Variants in DSCAML1 observed in about 807,000 individuals in gnomAD.
The protein encoded by DSCAML1 is cell adhesion molecule DSCAML1.
A neutral mutation model predicts 200.5 loss-of-function variants in DSCAML1; 38 were observed. The observed-to-expected ratio is 0.19, with a 90% CI of 0.15 to 0.25. The LOEUF is 0.25. Ranked by LOEUF, DSCAML1 falls within the 10% of genes least tolerant of loss-of-function variation. The probability of loss-of-function intolerance (pLI) is 1.00; values close to 1 mark genes in which losing one functional copy is unlikely to be tolerated. For synonymous variants in DSCAML1, 1,215 were observed against 1,165.0 expected, an observed-to-expected ratio of 1.04 and a Z score of -0.87; for missense variants, 2,223 against 2,858.8, an observed-to-expected ratio of 0.78 and a Z score of 5.07.
At chr11:117,432,268 A>T in intron 30 of DSCAML1, 84 bp downstream of exon 30, 11 of 1,327,518 alleles carry the variant, frequency 8.3e-6, no homozygotes, top group Non-Finnish European at 1.1e-5. Flanking sequence ...TCCTCCCTTT[A>T]AAAAAAAACA....
At chr11:117,650,063 T>C (rs2052598225) in intron 3 of DSCAML1, among the ~76,000 whole-genome samples, 1 of 152,212 alleles carries the variant, frequency 6.6e-6, no homozygotes, top group Non-Finnish European at 1.5e-5. Flanking sequence ...CAGTTTCCTC[T>C]TTTTAGGAAC....
At chr11:117,481,565 CA>C (rs1194165513) in intron 12 of DSCAML1, among the ~76,000 whole-genome samples, 1 of 45,752 alleles carries the variant, frequency 2.2e-5, no homozygotes, top group Non-Finnish European at 4.1e-5. Context: ...GAGGGGGTCC[CA>C]GGGGAGTAGG....
intron 4 of DSCAML1, among the ~76,000 whole-genome samples, chr11:117,528,727 T>A (rs1444543914): frequency 6.6e-6 from 1 of 152,204 alleles, no homozygotes; most frequent in Non-Finnish European, 1.5e-5. Context: ...TCCTCCTTTA[T>A]AACTGCAGGT....
chr11:117,774,735 T>G (rs1381202710), intron 3 of DSCAML1, among the ~76,000 whole-genome samples: 1 of 152,164 alleles, frequency 6.6e-6, no homozygotes, highest in African/African-American at 2.4e-5. Flanking sequence ...ATTTATACGG[T>G]GGGTGAGGCA....
chr11:117,772,305 T>A (rs1311737925), intron 3 of DSCAML1, among the ~76,000 whole-genome samples: 1 of 152,176 alleles, frequency 6.6e-6, no homozygotes, highest in Non-Finnish European at 1.5e-5. Context: ...CACTGCCTGA[T>A]AGGAATCCTT....
intron 3 of DSCAML1, among the ~76,000 whole-genome samples, chr11:117,760,756 C>A (rs2054785040): frequency 6.6e-6 from 1 of 152,194 alleles, no homozygotes; most frequent in African/African-American, 2.4e-5. Context: ...AGGGCACAGA[C>A]CTGTCACCAT....
chr11:117,814,985 T>C (rs183051224), intron 1 of DSCAML1, among the ~76,000 whole-genome samples: 2 of 152,318 alleles, frequency 1.3e-5, no homozygotes, highest in African/African-American at 4.8e-5. Context: ...TACTGATTGA[T>C]AGGCCATTCA....
intron 1 of DSCAML1, among the ~76,000 whole-genome samples, chr11:117,816,575 GC>G: frequency 6.6e-6 from 1 of 152,324 alleles, no homozygotes; most frequent in Non-Finnish European, 1.5e-5. Flanking sequence ...GCCCTGCCGA[GC>G]AGAGCGGAGG....
intron 3 of DSCAML1, among the ~76,000 whole-genome samples, chr11:117,658,945 C>G (rs1178587905): frequency 2.6e-5 from 4 of 152,178 alleles, no homozygotes; most frequent in African/African-American, 9.7e-5. Context: ...TGTGCCTACC[C>G]TCAGCCTGGG....
intron 21 of DSCAML1, among the ~76,000 whole-genome samples, chr11:117,442,331 A>ACAGTGTG (rs2048079843): frequency 7.1e-6 from 1 of 140,128 alleles, no homozygotes; most frequent in South Asian, 2.3e-4. Context: ...ATTAGTGTGT[A>ACAGTGTG]TAGTGTGTAT....
At chr11:117,683,570 G>T (rs1276553180) in intron 3 of DSCAML1, among the ~76,000 whole-genome samples, 1 of 152,210 alleles carries the variant, frequency 6.6e-6, no homozygotes, top group Non-Finnish European at 1.5e-5. Context: ...CCAACCCAAG[G>T]TCACACAGCT....
At chr11:117,607,594 G>A (rs548328859) in intron 3 of DSCAML1, among the ~76,000 whole-genome samples, 1 of 152,198 alleles carries the variant, frequency 6.6e-6, no homozygotes, top group South Asian at 2.1e-4. Flanking sequence ...GTAGCCAGTC[G>A]CAGGCGGATC....
At chr11:117,467,193 A>ACCCCCCCCCCCCCCCCCCCCC (rs757481843) in intron 16 of DSCAML1, among the ~76,000 whole-genome samples, 3 of 109,514 alleles carry the variant, frequency 2.7e-5, no homozygotes, top group African/African-American at 8.8e-5. Flanking sequence ...GTGCACACAC[A>ACCCCCCCCCCCCCCCCCCCCC]CCTCCCCCCT....
At chr11:117,736,185 A>C (rs778324664) in intron 3 of DSCAML1, among the ~76,000 whole-genome samples, 12 of 152,172 alleles carry the variant, frequency 7.9e-5, no homozygotes, top group Non-Finnish European at 1.3e-4. Context: ...GTCTCTCATG[A>C]GACTGTGCAG....
At chr11:117,629,384 A>G (rs2052123739) in intron 3 of DSCAML1, among the ~76,000 whole-genome samples, 1 of 152,132 alleles carries the variant, frequency 6.6e-6, no homozygotes, top group Non-Finnish European at 1.5e-5. Flanking sequence ...CTGGGAGGCC[A>G]CGGAAGCTGA....
intron 3 of DSCAML1, among the ~76,000 whole-genome samples, chr11:117,570,823 CTAAGACACTAA>C (rs1038743683): frequency 1.3e-5 from 2 of 152,236 alleles, no homozygotes; most frequent in African/African-American, 4.8e-5. Flanking sequence ...GGAGGTCCAG[CTAAGACACTAA>C]GAAGACACTG....
intron 4 of DSCAML1, among the ~76,000 whole-genome samples, chr11:117,532,001 AG>A (rs949436172): frequency 6.6e-6 from 1 of 152,010 alleles, no homozygotes. Flanking sequence ...AAGAAAAGAA[AG>A]AAAGGATAGA....
chr11:117,751,400 T>C (rs972118032), intron 3 of DSCAML1, among the ~76,000 whole-genome samples: 3 of 151,754 alleles, frequency 2.0e-5, no homozygotes, highest in South Asian at 2.1e-4. Context: ...TTTTTCTTTT[T>C]TTTTTTTTCT....
chr11:117,790,592 C>A (rs1027165903), intron 1 of DSCAML1, among the ~76,000 whole-genome samples: 12 of 152,170 alleles, frequency 7.9e-5, no homozygotes, highest in African/African-American at 2.9e-4. Context: ...AAGGCTAAAA[C>A]GGGTTTGCTG....
Sources: gnomAD v4.1 joint callset for allele counts (sites outside exome capture counted in the v4.1 genomes callset) on GRCh38, gnomAD v4.1.1 for gene constraint, MANE v1.5 for transcripts, NCBI Gene and HGNC (gene_info 2026-07-23, HGNC 2026-07-21) for gene names.